ALOX5: variants seen among roughly 807,000 people sequenced by gnomAD.
ALOX5 encodes the protein polyunsaturated fatty acid 5-lipoxygenase.
A neutral mutation model predicts 87.9 loss-of-function variants in ALOX5; 64 were observed. The observed-to-expected ratio is 0.73, with a 90% confidence interval of 0.60 to 0.90. The LOEUF (loss-of-function observed/expected upper bound fraction) is 0.90. Ranked by LOEUF, ALOX5 falls within the 40% of genes least tolerant of loss-of-function variation. The pLI, the probability that ALOX5 is intolerant of heterozygous loss-of-function variation, is 0.00. For missense variants in ALOX5, 822 were observed against 907.5 expected, an observed-to-expected ratio of 0.91 and a Z score of 1.21; for synonymous variants, 388 against 355.1, an observed-to-expected ratio of 1.09 and a Z score of -1.04.
chr10:45,437,382 ACTGATTTTGT>A (rs961127569), intron 7 of ALOX5, among the ~76,000 whole-genome samples: 13 of 152,174 alleles, frequency 8.5e-5, no homozygotes, highest in African/African-American at 2.9e-4. Flanking sequence ...ATTTTTGTAC[ACTGATTTTGT>A]ATCTTGAGTG....
chr10:45,388,142 C>T (rs1840068013), intron 2 of ALOX5, among the ~76,000 whole-genome samples: 1 of 152,202 alleles, frequency 6.6e-6, no homozygotes, highest in Non-Finnish European at 1.5e-5. Context: ...GATTATATCC[C>T]ATGTCTGGCT....
chr10:45,425,135 A>G lies in ALOX5; in HGVS notation c.834+3A>G. 6.2e-7 allele frequency: 1 copy of G among 1,612,706 alleles called. No individual in the cohort carries two copies. Among genetic ancestry groups the G allele is most frequent in the Non-Finnish European group, 8.5e-7 (1 of 1,179,396 alleles). On this transcript the variant is annotated splice_donor_region_variant and intron_variant, in intron 6 of 13. Coordinates refer to ENST00000374391, the MANE Select transcript of ALOX5 (RefSeq NM_000698.5). This position sits in a 1 kb window ranked among gnomAD's most constrained non-coding sequence, Gnocchi z 4.4. The stretch of plus-strand genomic sequence containing the variant: ...TCAGCTTGGAGCAGGAGGTCCAGGT[A>G]GGGGTTGATGGGCTGGGGAAGTGGC...
intron 7 of ALOX5, among the ~76,000 whole-genome samples, 190 bp from the exon 8 acceptor site, chr10:45,440,240 G>C (rs1021548136): frequency 6.6e-6 from 1 of 152,218 alleles, no homozygotes; most frequent in Non-Finnish European, 1.5e-5. Flanking sequence ...AGTCATGCAG[G>C]TTGTAAGTAA....
At position 45,417,012 on chromosome 10, in the gene ALOX5, G is replaced by GT. The variant is rs556341870; in HGVS notation, c.554+4700dup. Among the ~76,000 whole-genome samples the GT allele has an allele frequency of 1.3e-3, 195 of 152,196 alleles. 1 individual carries two copies. The highest frequency in any genetic ancestry group is 4.5e-3 in the African/African-American group (188 of 41,508). Reference sequence around the variant, plus strand: ...ACTGTGCCTTTCTTATCTCTGTTCAGTGTTTCTGAAGGTCATTGTCATCTC... The same window carrying GT: ...ACTGTGCCTTTCTTATCTCTGTTCAGTTGTTTCTGAAGGTCATTGTCATCTC... On this transcript the variant is annotated intron_variant, in intron 4 of 13. Transcript: ENST00000374391.
At chr10:45,442,738 C>T in intron 9 of ALOX5, 1 of 398,616 alleles carries the variant, frequency 2.5e-6, no homozygotes, top group East Asian at 4.2e-5. Flanking sequence ...GGGTCCCCCA[C>T]ACACCTGCCC....
At chr10:45,445,174 G>A (rs187246093) in intron 13 of ALOX5, among the ~76,000 whole-genome samples, 384 of 152,358 alleles carry the variant, frequency 2.5e-3, no homozygotes, top group African/African-American at 8.9e-3. Flanking sequence ...CTGCGCAGGG[G>A]TGGCCCAAGA....
intron 2 of ALOX5, 143 bp downstream of exon 2, chr10:45,382,824 C>A: frequency 1.0e-6 from 1 of 984,066 alleles, no homozygotes; most frequent in Non-Finnish European, 1.5e-6. Context: ...CCTCGACACA[C>A]CTGCAGGAGG....
At chr10:45,437,516 G>A (rs1337236689) in intron 7 of ALOX5, among the ~76,000 whole-genome samples, 6 of 151,580 alleles carry the variant, frequency 4.0e-5, no homozygotes, top group Admixed American at 1.3e-4. Context: ...ATAACTTTTT[G>A]TTAAGCCCTA....
chr10:45,379,858 G>C (rs1225264400), intron 1 of ALOX5, among the ~76,000 whole-genome samples: 1 of 152,286 alleles, frequency 6.6e-6, no homozygotes, highest in East Asian at 1.9e-4. Flanking sequence ...TGTGAATTCA[G>C]AGCTCCAGAC....
At chr10:45,443,882 C>A in intron 12 of ALOX5, 54 bp downstream of exon 12, 1 of 1,533,382 alleles carries the variant, frequency 6.5e-7, no homozygotes, top group Non-Finnish European at 8.8e-7. Flanking sequence ...CCGCTGCCTC[C>A]TCCCCCGCCC....
At chr10:45,420,000 A>G (rs868718923) in intron 4 of ALOX5, among the ~76,000 whole-genome samples, 1 of 152,194 alleles carries the variant, frequency 6.6e-6, no homozygotes, top group African/African-American at 2.4e-5. Flanking sequence ...GTATATGGGA[A>G]GAAGACCACA....
intron 3 of ALOX5, among the ~76,000 whole-genome samples, chr10:45,397,207 C>G (rs1272484790): frequency 1.3e-5 from 2 of 152,200 alleles, no homozygotes; most frequent in African/African-American, 4.8e-5. Flanking sequence ...ATGGTGAAAC[C>G]CCGTCTATAC....
Position 45,443,416 on chromosome 10 carries a change from G to T in ALOX5, c.1452G>T (p.Thr484=), listed in dbSNP as rs1269124218. 1 of 1,602,404 alleles carries T rather than the reference G, an allele frequency of 6.2e-7. No individual in the cohort carries two copies. Among genetic ancestry groups the T allele is most frequent in the Non-Finnish European group, 8.5e-7 (1 of 1,174,908 alleles). Reference sequence around the variant, plus strand: ...ACCCCGGCTGCGCCCCCTGAGCCAGGTTCACGGCCGAGGTGGTAGACATCT... The same window carrying T: ...ACCCCGGCTGCGCCCCCTGAGCCAGTTTCACGGCCGAGGTGGTAGACATCT... ...DGLLVWEAIR[T]FTAEVVDIYY... is the part of the protein sequence containing the mutation. Residue 484 remains threonine (T), a splice_region_variant and synonymous_variant, in exon 11 of 14, where the codon ACG becomes ACT. Transcript: ENST00000374391.
rs1842015414 is a variant in ALOX5 at position 45,434,906 on chromosome 10, T to TTTTTC, written c.982-5521_982-5520insTCTTT. 3.3e-5 allele frequency among the ~76,000 whole-genome samples: 5 copies of TTTTTC among 152,342 alleles called. No homozygotes were observed. The South Asian group carries it at 1.0e-3, about 32-fold the overall frequency. The stretch of plus-strand genomic sequence containing the variant: ...CTGGGCGCTGGAAGATGAGATGATG[T>TTTTTC]TTTCTTTCTCAGGCTCTCCTGTCAT... On this transcript the variant is annotated intron_variant, in intron 7 of 13. Coordinates refer to ENST00000374391, the MANE Select transcript of ALOX5 (RefSeq NM_000698.5).
At chr10:45,442,695 A>G (rs955011202) in intron 9 of ALOX5, 2 of 300,688 alleles carry the variant, frequency 6.7e-6, no homozygotes, top group Admixed American at 4.8e-5. Flanking sequence ...TCAGCACTAG[A>G]GCAGACTTCA....
chr10:45,394,995 T>G (rs528807003), intron 2 of ALOX5, among the ~76,000 whole-genome samples: 22 of 152,322 alleles, frequency 1.4e-4, no homozygotes, highest in Non-Finnish European at 2.6e-4. Context: ...GGAACACTTT[T>G]ATACTGTTGG....
rs888080240 is a variant in ALOX5 at position 45,443,807 on chromosome 10, C to T, written c.1653C>T (p.His551=). ...TVVIFTASAQ[H]AAVNFGQYDW... The stretch of plus-strand genomic sequence containing the variant: ...TGATCTTCACCGCCTCCGCCCAGCA[C>T]GCCGCGGTCAACTTCGGCCAGGTAG... The change falls in exon 12 of 14, where the codon CAC becomes CAT. Residue 551 remains histidine (H), a synonymous_variant. Coordinates refer to ENST00000374391, the MANE Select transcript of ALOX5 (RefSeq NM_000698.5). The T allele has an allele frequency of 1.2e-6, 2 of 1,609,456 alleles. No homozygotes were observed. The highest frequency in any genetic ancestry group is 2.2e-5 in the South Asian group (2 of 90,296).
chr10:45,397,412 C>G (rs1035632608), intron 3 of ALOX5, among the ~76,000 whole-genome samples: 50 of 152,224 alleles, frequency 3.3e-4, no homozygotes, highest in African/African-American at 1.1e-3. Context: ...TCACAGTTAA[C>G]ATTATACTTA....
rs57204067 is a variant in ALOX5 at position 45,412,977 on chromosome 10, T to C, written c.554+664T>C. On this transcript the variant is annotated intron_variant, in intron 4 of 13. Transcript: ENST00000374391. ...CCGACCCTATCCCAGGACTACTGAG[T>C]GTAGGGATCTTTAAATCTGCACATT... 4.1e-3 allele frequency among the ~76,000 whole-genome samples: 617 copies of C among 152,270 alleles called. 6 individuals are homozygous for C. Among genetic ancestry groups the C allele is most frequent in the African/African-American group, 0.014 (588 of 41,560 alleles).
Sources: allele counts gnomAD v4.1 joint callset (sites outside exome capture counted in the v4.1 genomes callset), GRCh38; gene constraint gnomAD v4.1.1; non-coding constraint Gnocchi (gnomAD v3.1); transcripts MANE v1.5; gene names NCBI Gene and HGNC (gene_info 2026-07-23, HGNC 2026-07-21).